MRPS27: variants seen among roughly 807,000 people sequenced by gnomAD.
The protein encoded by MRPS27 is small ribosomal subunit protein mS27.
Under a neutral mutation model 48.9 loss-of-function variants are expected in MRPS27, and 43 were observed. The observed-to-expected ratio is 0.88, with a 90% CI of 0.69 to 1.13. The LOEUF is 1.13. Ranked by LOEUF, MRPS27 falls within the 50% of genes most tolerant of loss-of-function variation. MRPS27 has a pLI of 0.00. For synonymous variants in MRPS27, 188 were observed against 171.9 expected (o/e 1.09, Z -0.73); for missense variants, 467 against 476.3 (o/e 0.98, Z 0.18).
At chr5:72,292,114 T>C (rs1580104849) in intron 4 of MRPS27, among the ~76,000 whole-genome samples, 1 of 152,116 alleles carries the variant, frequency 6.6e-6, no homozygotes, top group South Asian at 2.1e-4. Context: ...CTTGTTTCCT[T>C]ATTTTGTTTA....
At chr5:72,248,799 T>G (rs778964193) in intron 4 of MRPS27, among the ~76,000 whole-genome samples, 13 of 152,046 alleles carry the variant, frequency 8.6e-5, no homozygotes, top group Non-Finnish European at 1.8e-4. Flanking sequence ...TGTTTGCTAT[T>G]GTGATCCACA....
chr5:72,248,670 A>T (rs890497231), intron 4 of MRPS27, among the ~76,000 whole-genome samples: 8 of 54,694 alleles, frequency 1.5e-4, no homozygotes, highest in Middle Eastern at 8.2e-3. Context: ...ATTTTCATTT[A>T]AAAAAAAAAA....
intron 4 of MRPS27, among the ~76,000 whole-genome samples, chr5:72,246,517 TCC>T (rs1205235310): frequency 4.6e-5 from 7 of 152,140 alleles, no homozygotes; most frequent in Admixed American, 3.3e-4. Context: ...TCAAAGAATT[TCC>T]CTAACAGGAA....
chr5:72,262,152 C>A (rs760998431), intron 4 of MRPS27, among the ~76,000 whole-genome samples: 3 of 152,104 alleles, frequency 2.0e-5, no homozygotes, highest in Admixed American at 1.3e-4. Flanking sequence ...AACTCTCTGG[C>A]GAGCTATTTG....
At chr5:72,226,461 G>A (rs1037578115) in intron 8 of MRPS27, among the ~76,000 whole-genome samples, 2 of 152,140 alleles carry the variant, frequency 1.3e-5, no homozygotes, top group African/African-American at 4.8e-5. Context: ...GGCTGAGGAT[G>A]TATATATAAA....
chr5:72,271,531 T>C (rs1749241616), intron 4 of MRPS27, among the ~76,000 whole-genome samples: 1 of 152,132 alleles, frequency 6.6e-6, no homozygotes, highest in Non-Finnish European at 1.5e-5. Context: ...GGCCTAGGAA[T>C]TGCTCTAGAT....
At chr5:72,269,557 A>G (rs1275257229) in intron 4 of MRPS27, among the ~76,000 whole-genome samples, 1 of 152,268 alleles carries the variant, frequency 6.6e-6, no homozygotes, top group African/African-American at 2.4e-5. Flanking sequence ...AAGGCAGATC[A>G]GTGGAAGAGC....
At chr5:72,242,657 A>C (rs1047811099) in intron 4 of MRPS27, among the ~76,000 whole-genome samples, 1 of 115,970 alleles carries the variant, frequency 8.6e-6, no homozygotes, top group African/African-American at 4.2e-5. Context: ...ACACAGCGAG[A>C]CCCCGTCTAC....
intron 4 of MRPS27, among the ~76,000 whole-genome samples, chr5:72,292,929 A>T (rs1749869060): frequency 3.3e-5 from 5 of 152,124 alleles, no homozygotes; most frequent in Admixed American, 3.3e-4. Flanking sequence ...TCCTCACCTT[A>T]GACCTGGAAT....
chr5:72,247,358 T>C (rs1479848116), intron 4 of MRPS27, among the ~76,000 whole-genome samples: 1 of 152,238 alleles, frequency 6.6e-6, no homozygotes, highest in Admixed American at 6.5e-5. Flanking sequence ...ATCAGTCATA[T>C]ACAAGTTTCT....
intron 1 of MRPS27, among the ~76,000 whole-genome samples, chr5:72,319,829 C>T (rs1206374326): frequency 1.3e-5 from 2 of 152,148 alleles, no homozygotes; most frequent in Non-Finnish European, 2.9e-5. Flanking sequence ...CGTGGGCCAC[C>T]GCGCCCGGCG....
At chr5:72,249,460 G>A (rs1027651905) in intron 4 of MRPS27, among the ~76,000 whole-genome samples, 1 of 152,180 alleles carries the variant, frequency 6.6e-6, no homozygotes, top group Non-Finnish European at 1.5e-5. Context: ...GAGGCGGGCA[G>A]GTCACTTGAG....
At chr5:72,235,065 C>G (rs140328285) in intron 5 of MRPS27, among the ~76,000 whole-genome samples, 2 of 152,130 alleles carry the variant, frequency 1.3e-5, no homozygotes, top group Admixed American at 1.3e-4. Context: ...TAACCCCCAA[C>G]TGAATCACCA....
chr5:72,252,156 A>G (rs755876937), intron 4 of MRPS27, among the ~76,000 whole-genome samples: 17 of 152,240 alleles, frequency 1.1e-4, no homozygotes. Flanking sequence ...AGGCTCAAAA[A>G]AGGAAAGACA....
chr5:72,301,998 A>C (rs764792516), intron 2 of MRPS27, among the ~76,000 whole-genome samples: 1 of 152,190 alleles, frequency 6.6e-6, no homozygotes, highest in African/African-American at 2.4e-5. Context: ...CAAAGAAGAT[A>C]CTTTTTTGCT....
At chr5:72,273,895 A>G (rs893931392) in intron 4 of MRPS27, among the ~76,000 whole-genome samples, 5 of 152,226 alleles carry the variant, frequency 3.3e-5, no homozygotes, top group Admixed American at 2.6e-4. Flanking sequence ...TACTTTAAAA[A>G]CTTAATTTTT....
intron 4 of MRPS27, among the ~76,000 whole-genome samples, chr5:72,268,645 A>G (rs1273051340): frequency 1.3e-5 from 2 of 152,216 alleles, no homozygotes; most frequent in Non-Finnish European, 2.9e-5. Context: ...GTCTTCTGTC[A>G]TTCATTAACT....
intron 4 of MRPS27, among the ~76,000 whole-genome samples, chr5:72,246,679 G>A (rs1360358333): frequency 6.6e-6 from 1 of 152,128 alleles, no homozygotes; most frequent in Non-Finnish European, 1.5e-5. Flanking sequence ...AATATCTATT[G>A]TACACTAGAC....
intron 4 of MRPS27, among the ~76,000 whole-genome samples, chr5:72,258,665 T>C (rs761072796): frequency 4.6e-5 from 7 of 152,152 alleles, no homozygotes; most frequent in Non-Finnish European, 8.8e-5. Context: ...CAATAGAACA[T>C]GGCAATCAAG....
Sources: allele counts gnomAD v4.1 joint callset (sites outside exome capture counted in the v4.1 genomes callset), GRCh38; gene constraint gnomAD v4.1.1; transcripts MANE v1.5; gene names NCBI Gene and HGNC (gene_info 2026-07-23, HGNC 2026-07-21).